GPR39: variants seen among roughly 807,000 people sequenced by gnomAD.
GPR39 encodes the protein G protein-coupled receptor 39.
In GPR39, 23 loss-of-function variants were observed where a neutral mutation model predicts 18.4. The observed-to-expected ratio is 1.25, with a 90% CI of 0.90 to 1.77. The LOEUF (loss-of-function observed/expected upper bound fraction) is 1.77. Among genes scored for constraint, GPR39 ranks in the 40% most tolerant of loss-of-function variants. GPR39 has a pLI of 0.00. For synonymous variants in GPR39, 280 were observed against 257.9 expected, an observed-to-expected ratio of 1.09 and a Z score of -0.82; for missense variants, 647 against 602.4, an observed-to-expected ratio of 1.07 and a Z score of -0.78.
intron 1 of GPR39, among the ~76,000 whole-genome samples, chr2:132,565,184 G>A (rs3115018): frequency 0.63 from 95,061 of 151,222 alleles, 31,479 homozygotes; most frequent in East Asian, 0.92. Flanking sequence ...ACGATTAGCC[G>A]GGCATGGGGA....
chr2:132,559,885 G>C (rs574879579), intron 1 of GPR39, among the ~76,000 whole-genome samples: 78 of 152,198 alleles, frequency 5.1e-4, no homozygotes, highest in African/African-American at 1.6e-3. Flanking sequence ...ATGCCATGCT[G>C]CTGCCTTTAG....
At chr2:132,635,740 C>T (rs1461944097) in intron 1 of GPR39, among the ~76,000 whole-genome samples, 1 of 152,172 alleles carries the variant, frequency 6.6e-6, no homozygotes, top group Non-Finnish European at 1.5e-5. Flanking sequence ...GAAGCCCTAA[C>T]CCCAAATCTG....
In GPR39 at chr2:132,645,587, T is replaced by TTCAGGAGCATGAAGTTTGAATGTCAA; in HGVS notation, c.1344_*7dup. Reference sequence around the variant, plus strand: ...GCCAATTCTGCTGCAGAGAATGGTTTTCAGGAGCATGAAGTTTGAATGTCA... The same window carrying TTCAGGAGCATGAAGTTTGAATGTCAA: ...GCCAATTCTGCTGCAGAGAATGGTTTTCAGGAGCATGAAGTTTGAATGTCAATCAGGAGCATGAAGTTTGAATGTCA... On this transcript the variant is annotated stop_gained and frameshift_variant, in exon 2 of 2. Coordinates refer to ENST00000329321, the MANE Select transcript of GPR39 (RefSeq NM_001508.3). LOFTEE classifies it high-confidence loss of function. 1 of 1,612,322 alleles carries TTCAGGAGCATGAAGTTTGAATGTCAA rather than the reference T, an allele frequency of 6.2e-7. No individual in the cohort carries two copies. The highest frequency in any genetic ancestry group is 1.1e-5 in the South Asian group (1 of 90,858).
Position 132,566,073 on chromosome 2 carries a change from ACT to A in GPR39, c.857-79027_857-79026del, listed in dbSNP as rs1335173697. On this transcript the variant is annotated intron_variant, in intron 1 of 1. Transcript: ENST00000329321. Reference sequence around the variant, plus strand: ...CCTCTCCAGCACCTGTTGTTTCCTGACTTTTTAATGATTGCCATTCTAACTGG... The same window carrying A: ...CCTCTCCAGCACCTGTTGTTTCCTGATTTTAATGATTGCCATTCTAACTGG... Among the ~76,000 whole-genome samples the A allele has an allele frequency of 2.3e-5, 3 of 132,732 alleles. No individual in the cohort carries two copies. In the Admixed American group the frequency reaches 2.4e-4, roughly 11 times the overall value. The allele number at this position is 132,732 out of a possible 152,430, so 87.1% of individuals were successfully genotyped here. A position where few individuals can be genotyped will look rare whatever the true frequency, so the allele number is the denominator to read the frequency against.
intron 1 of GPR39, among the ~76,000 whole-genome samples, chr2:132,437,986 G>T (rs1680357870): frequency 6.6e-6 from 1 of 152,228 alleles, no homozygotes; most frequent in Admixed American, 6.5e-5. Context: ...GTGTTACTAA[G>T]AGGTTAGTAT....
At chr2:132,572,720 G>A (rs1680463306) in intron 1 of GPR39, among the ~76,000 whole-genome samples, 1 of 152,124 alleles carries the variant, frequency 6.6e-6, no homozygotes, top group African/African-American at 2.4e-5. Flanking sequence ...CCAAGTGGTA[G>A]CAACAAGTTT....
At chr2:132,510,979 G>A (rs1294323906) in intron 1 of GPR39, among the ~76,000 whole-genome samples, 1 of 152,066 alleles carries the variant, frequency 6.6e-6, no homozygotes, top group Non-Finnish European at 1.5e-5. Context: ...AGATTAAAGG[G>A]TTTCTTTATC....
Position 132,517,800 on chromosome 2 carries a change from G to A in GPR39, c.856+99902G>A, listed in dbSNP as rs144904437. 8.0e-3 allele frequency among the ~76,000 whole-genome samples: 1,216 copies of A among 152,194 alleles called. 12 individuals are homozygous for A. The highest frequency in any genetic ancestry group is 0.033 in the South Asian group (158 of 4,818). ...AGGATTCTTGGAAAGATGGAAAATC[G>A]GAAACAAGCATCTGTTTCACTGCTT... On this transcript the variant is annotated intron_variant, in intron 1 of 1. Transcript: ENST00000329321.
intron 1 of GPR39, among the ~76,000 whole-genome samples, chr2:132,512,050 G>T (rs905057151): frequency 6.6e-6 from 1 of 152,172 alleles, no homozygotes; most frequent in Non-Finnish European, 1.5e-5. Flanking sequence ...AGCTGATCCT[G>T]TGTTCACCTG....
At chr2:132,585,834 T>C (rs953997121) in intron 1 of GPR39, among the ~76,000 whole-genome samples, 2 of 151,644 alleles carry the variant, frequency 1.3e-5, no homozygotes, top group African/African-American at 2.4e-5. Context: ...CATTCTGGTG[T>C]CCCTCGAGGT....
chr2:132,499,313 G>T (rs1364752453), intron 1 of GPR39, among the ~76,000 whole-genome samples: 1 of 152,024 alleles, frequency 6.6e-6, no homozygotes, highest in Non-Finnish European at 1.5e-5. Flanking sequence ...TGTTGAATAG[G>T]GTGTCTTTTC....
chr2:132,488,886 CTG>C (rs1681399126), intron 1 of GPR39: 1 of 155,776 alleles, frequency 6.4e-6, no homozygotes, highest in African/African-American at 2.5e-5. Flanking sequence ...GGTGGGAATA[CTG>C]TGATTGCCCG....
At chr2:132,460,553 T>G (rs1316884260) in intron 1 of GPR39, among the ~76,000 whole-genome samples, 1 of 152,084 alleles carries the variant, frequency 6.6e-6, no homozygotes. Context: ...ATTCAAACCA[T>G]AGCAGCCTCC....
intron 1 of GPR39, among the ~76,000 whole-genome samples, chr2:132,499,731 A>T (rs900320777): frequency 1.3e-5 from 2 of 152,092 alleles, no homozygotes; most frequent in Admixed American, 6.6e-5. Flanking sequence ...TGTGTTGTCT[A>T]TGATTTCTTT....
intron 1 of GPR39, among the ~76,000 whole-genome samples, chr2:132,535,247 C>G (rs1338504015): frequency 2.0e-5 from 3 of 152,064 alleles, no homozygotes; most frequent in African/African-American, 7.2e-5. Context: ...CCATCAATAC[C>G]TAGTTTGTTG....
At chr2:132,472,438 A>G (rs968024240) in intron 1 of GPR39, among the ~76,000 whole-genome samples, 1 of 152,130 alleles carries the variant, frequency 6.6e-6, no homozygotes, top group Non-Finnish European at 1.5e-5. Flanking sequence ...TACAAAGTGG[A>G]TGACTGAGTG....
chr2:132,443,168 CATTAT>C (rs1381100687), intron 1 of GPR39, among the ~76,000 whole-genome samples: 1 of 152,026 alleles, frequency 6.6e-6, no homozygotes, highest in African/African-American at 2.4e-5. Flanking sequence ...TTAGAATAAA[CATTAT>C]ATTAAAACTA....
intron 1 of GPR39, among the ~76,000 whole-genome samples, chr2:132,508,465 C>T (rs1315188182): frequency 6.6e-6 from 1 of 152,096 alleles, no homozygotes; most frequent in East Asian, 1.9e-4. Flanking sequence ...GGGCTGCCCT[C>T]CGAGAATTGG....
intron 1 of GPR39, among the ~76,000 whole-genome samples, chr2:132,462,391 A>G (rs188799314): frequency 6.6e-6 from 1 of 152,312 alleles, no homozygotes; most frequent in Admixed American, 6.5e-5. Flanking sequence ...TCAGGGGTAA[A>G]CTGTAACTGT....
Sources: allele counts gnomAD v4.1 joint callset (sites outside exome capture counted in the v4.1 genomes callset), GRCh38; gene constraint gnomAD v4.1.1; transcripts MANE v1.5; gene names NCBI Gene and HGNC (gene_info 2026-07-23, HGNC 2026-07-21).